The following EIF2A variants were observed in gnomAD, a reference collection of about 807,000 sequenced individuals.
EIF2A encodes 65 kDa eukaryotic translation initiation factor 2A.
A neutral mutation model predicts 75.2 loss-of-function variants in EIF2A; 62 were observed. That is an observed-to-expected ratio of 0.82 (90% CI 0.67 to 1.02). The LOEUF (loss-of-function observed/expected upper bound fraction) is 1.02, where lower values mean the gene tolerates loss of function less well. EIF2A is among the 50% of genes least tolerant of loss of function. The pLI is 0.00. For synonymous variants in EIF2A, 207 were observed against 239.0 expected, an observed-to-expected ratio of 0.87 and a Z score of 1.23; for missense variants, 611 against 677.7, an observed-to-expected ratio of 0.90 and a Z score of 1.09.
At position 150,578,312 on chromosome 3, in the gene EIF2A, TAATA is replaced by T. The variant is rs1459635351; in HGVS notation, c.1497+2551_1497+2554del. Among the ~76,000 whole-genome samples the T allele has an allele frequency of 2.0e-5, 3 of 148,538 alleles. No individual in the cohort carries two copies. In the Admixed American group the frequency reaches 2.0e-4, roughly 10 times the overall value. Reference sequence around the variant, plus strand: ...ATTATTAATAATTATAACCATTAATTAATATACTAAATTATAATTGTATTAATTA... The same window carrying T: ...ATTATTAATAATTATAACCATTAATTTACTAAATTATAATTGTATTAATTA... On this transcript the variant is annotated intron_variant, in intron 11 of 13. Transcript: ENST00000460851.
Position 150,567,763 on chromosome 3 carries a change from C to T in EIF2A, c.546C>T (p.Tyr182=), listed in dbSNP as rs1310037107. 2 of 1,566,416 alleles carry T rather than the reference C, an allele frequency of 1.3e-6. No individual in the cohort carries two copies. Among genetic ancestry groups the T allele is most frequent in the Non-Finnish European group, 1.7e-6 (2 of 1,154,650 alleles). The part of the protein sequence containing the change: ...DFVLSPGPQP[Y]KVAVYVPGSK... ...TATTATCACCTGGACCCCAACCATA[C>T]AAGGTAATTGCTGTTTTTGTTTATG... Residue 182 remains tyrosine (Y), a synonymous_variant, in exon 7 of 14, where the codon TAC becomes TAT. Coordinates refer to ENST00000460851, the MANE Select transcript of EIF2A (RefSeq NM_032025.5).
At chr3:150,576,255 T>C (rs1480619283) in intron 11 of EIF2A, among the ~76,000 whole-genome samples, 1 of 151,974 alleles carries the variant, frequency 6.6e-6, no homozygotes, top group East Asian at 1.9e-4. Context: ...CTGGGCAACA[T>C]AGTGAGACCC....
intron 9 of EIF2A, among the ~76,000 whole-genome samples, 162 bp downstream of exon 9, chr3:150,568,454 C>T (rs1724315094): frequency 6.6e-6 from 1 of 152,198 alleles, no homozygotes. Flanking sequence ...TAAAAATCAT[C>T]CTCCAACATA....
Position 150,575,773 on chromosome 3 carries a change from C to A in EIF2A, c.1497+11C>A, listed in dbSNP as rs1442852070. ...AAAGCTGCAAAGCAGGTATTTGGGG[C>A]ACTAATCTCATAACAAAACAAATAG... On this transcript the variant is annotated intron_variant, in intron 11 of 13. Coordinates refer to ENST00000460851, the MANE Select transcript of EIF2A (RefSeq NM_032025.5). 6.3e-7 allele frequency: 1 copy of A among 1,596,484 alleles called. No homozygotes were observed. The highest frequency in any genetic ancestry group is 8.5e-7 in the Non-Finnish European group (1 of 1,171,064).
chr3:150,554,187 G>A (rs1723453034), intron 2 of EIF2A, among the ~76,000 whole-genome samples: 1 of 152,110 alleles, frequency 6.6e-6, no homozygotes, highest in Non-Finnish European at 1.5e-5. Context: ...GAAAGATAAA[G>A]CATGTCAAGT....
Position 150,585,524 on chromosome 3 carries a change from CACACA to C in EIF2A, c.*1615_*1619del. 1 of 106,348 alleles carries C rather than the reference CACACA, an allele frequency of 9.4e-6. No homozygotes were observed. Among genetic ancestry groups the C allele is most frequent in the Non-Finnish European group, 2.1e-5 (1 of 48,356 alleles). 6.6% of individuals were successfully genotyped at this position (106,348 alleles called of 1,614,324 possible). ...AACAAGAGTGAAACCGTCTCACACA[CACACA>C]AAAAAAAATATTTTGGAGCTCCTTC... On this transcript the variant is annotated 3_prime_UTR_variant, in exon 14 of 14. Transcript: ENST00000460851.
chr3:150,581,559 T>C, intron 11 of EIF2A, 59 bp from the exon 12 acceptor site: 2 of 1,530,922 alleles, frequency 1.3e-6, no homozygotes, highest in Non-Finnish European at 1.8e-6. Flanking sequence ...GCTATGTTGA[T>C]TTAAATACTG....
Position 150,567,751 on chromosome 3 carries a change from AC to A in EIF2A, c.538del (p.Gln180AsnfsTer34). On this transcript the variant is annotated frameshift_variant, in exon 7 of 14. Transcript: ENST00000460851. LOFTEE classifies it high-confidence loss of function. ...KINDFVLSPGPQPYKVAVYVP... is the reference protein window; with the variant it reads ...KINDFVLSPGXQPYKVAVYVP... Reference sequence around the variant, plus strand: ...TTAATGATTTTGTATTATCACCTGGACCCCAACCATACAAGGTAATTGCTGT... The same window carrying A: ...TTAATGATTTTGTATTATCACCTGGACCCAACCATACAAGGTAATTGCTGT... 6.4e-7 allele frequency: 1 copy of A among 1,564,774 alleles called. No homozygotes were observed. The highest frequency in any genetic ancestry group is 1.2e-5 in the South Asian group (1 of 85,338).
chr3:150,556,342 A>G (rs1723569689), intron 2 of EIF2A, among the ~76,000 whole-genome samples: 1 of 152,168 alleles, frequency 6.6e-6, no homozygotes, highest in Non-Finnish European at 1.5e-5. Context: ...TCAAACTCAG[A>G]ATTTAGTCAG....
chr3:150,553,499 C>G (rs1369148411), intron 2 of EIF2A, among the ~76,000 whole-genome samples: 2 of 152,000 alleles, frequency 1.3e-5, no homozygotes. Flanking sequence ...ACCTCTGCCC[C>G]CCAGGTTCAA....
intron 12 of EIF2A, 126 bp from the exon 13 acceptor site, chr3:150,583,074 C>T (rs931853475): frequency 9.0e-6 from 7 of 776,782 alleles, no homozygotes; most frequent in South Asian, 6.5e-5. Context: ...AGCATTTTAA[C>T]AGACCATTGT....
chr3:150,548,694 A>G (rs1029604840), intron 1 of EIF2A, among the ~76,000 whole-genome samples: 4 of 152,228 alleles, frequency 2.6e-5, no homozygotes, highest in Non-Finnish European at 4.4e-5. Flanking sequence ...CTTTTAAATT[A>G]ATGAAGGATA....
At position 150,570,790 on chromosome 3, in the gene EIF2A, C is replaced by T. The variant is rs186537789; in HGVS notation, c.812-1168C>T. Among the ~76,000 whole-genome samples the T allele has an allele frequency of 3.9e-4, 59 of 152,112 alleles. No individual in the cohort carries two copies. In the South Asian group the frequency reaches 5.8e-3, roughly 15 times the overall value. ...AAAAACTGCTGACAGAGGCTGGGCA[C>T]GGTGGCTCATGCCTGTAATCAATCC... On this transcript the variant is annotated intron_variant, in intron 9 of 13. Transcript: ENST00000460851.
chr3:150,560,111 T>C (rs886247316), intron 3 of EIF2A, among the ~76,000 whole-genome samples: 2 of 152,224 alleles, frequency 1.3e-5, no homozygotes, highest in Admixed American at 6.6e-5. Context: ...AGTCTGTTTT[T>C]ACCTTGGCAG....
chr3:150,567,656 C>A, intron 6 of EIF2A, 37 bp from the exon 7 acceptor site: 1 of 1,363,174 alleles, frequency 7.3e-7, no homozygotes, highest in South Asian at 1.3e-5. Context: ...CTTTTAGGTT[C>A]TCTCATCAAT....
intron 11 of EIF2A, among the ~76,000 whole-genome samples, chr3:150,580,294 G>A (rs781537950): frequency 6.6e-6 from 1 of 152,156 alleles, no homozygotes; most frequent in Admixed American, 6.5e-5. Context: ...GAGGGGCAGA[G>A]CTATGCCTGA....
rs1294341276 is a variant in EIF2A, at chr3:150,584,843, A to G, written c.*932A>G. Among the ~76,000 whole-genome samples the G allele has an allele frequency of 5.3e-5, 8 of 151,692 alleles. No individual in the cohort carries two copies. Among genetic ancestry groups the G allele is most frequent in the African/African-American group, 1.9e-4 (8 of 41,332 alleles). ...GTAGTAACAAAATCCTTTTTTAAAA[A>G]TTTTTAAAGAAAAAGTATACACACA... On this transcript the variant is annotated 3_prime_UTR_variant, in exon 14 of 14. Coordinates refer to ENST00000460851, the MANE Select transcript of EIF2A (RefSeq NM_032025.5).
intron 2 of EIF2A, among the ~76,000 whole-genome samples, chr3:150,554,113 T>C (rs1723448830): frequency 6.6e-6 from 1 of 152,038 alleles, no homozygotes; most frequent in Non-Finnish European, 1.5e-5. Flanking sequence ...TGTTAAAGGG[T>C]CGTAGGAAGC....
intron 3 of EIF2A, 126 bp from the exon 4 acceptor site, chr3:150,562,416 T>C (rs1025016336): frequency 1.6e-6 from 1 of 634,342 alleles, no homozygotes; most frequent in African/African-American, 2.0e-5. Flanking sequence ...CGAGACTCCA[T>C]CTCAAAAAAA....
Sources: allele counts gnomAD v4.1 joint callset (sites outside exome capture counted in the v4.1 genomes callset), GRCh38; gene constraint gnomAD v4.1.1; transcripts MANE v1.5; gene names NCBI Gene and HGNC (gene_info 2026-07-23, HGNC 2026-07-21).